The following ERBB4 variants were observed in gnomAD, a reference collection of about 807,000 sequenced individuals.
ERBB4 encodes the protein receptor tyrosine-protein kinase erbB-4.
A neutral mutation model predicts 158.0 loss-of-function variants in ERBB4; 42 were observed. The ratio of observed to expected loss-of-function variants is 0.27; its 90% confidence interval spans 0.21 to 0.34. The LOEUF is 0.34. Among genes scored for constraint, ERBB4 ranks in the 10% least tolerant of loss-of-function variants. The probability of loss-of-function intolerance (pLI) is 1.00; values close to 1 mark genes in which losing one functional copy is unlikely to be tolerated. For missense variants in ERBB4, 1,333 were observed against 1,624.1 expected (o/e 0.82, Z 3.08); for synonymous variants, 583 against 558.7 (o/e 1.04, Z -0.61).
intron 19 of ERBB4, among the ~76,000 whole-genome samples, chr2:211,588,554 T>G (rs1281663125): frequency 6.6e-6 from 1 of 152,174 alleles, no homozygotes; most frequent in Non-Finnish European, 1.5e-5. Flanking sequence ...TAACTACATT[T>G]TATATTTTGA....
chr2:211,708,643 T>A (rs907282189), intron 9 of ERBB4, among the ~76,000 whole-genome samples: 7 of 150,216 alleles, frequency 4.7e-5, no homozygotes, highest in Admixed American at 2.7e-4. Context: ...TCTCTCTCTC[T>A]CACTATCTTT....
chr2:212,355,766 G>A (rs932481014), intron 1 of ERBB4, among the ~76,000 whole-genome samples: 33 of 151,838 alleles, frequency 2.2e-4, no homozygotes, highest in Non-Finnish European at 3.4e-4. Flanking sequence ...ATGCATGTGT[G>A]TATTTATGTA....
At chr2:211,939,086 ATAT>A (rs1354606421) in intron 3 of ERBB4, among the ~76,000 whole-genome samples, 2 of 152,174 alleles carry the variant, frequency 1.3e-5, no homozygotes, top group Non-Finnish European at 2.9e-5. Flanking sequence ...CATTCATGAT[ATAT>A]TCAAGTATTA....
At chr2:211,896,365 A>G (rs1192172840) in intron 3 of ERBB4, among the ~76,000 whole-genome samples, 1 of 152,162 alleles carries the variant, frequency 6.6e-6, no homozygotes, top group Non-Finnish European at 1.5e-5. Context: ...TGGAATCATC[A>G]TTGACTAACC....
At chr2:211,853,440 A>G (rs2077768853) in intron 3 of ERBB4, among the ~76,000 whole-genome samples, 1 of 151,840 alleles carries the variant, frequency 6.6e-6, no homozygotes, top group Non-Finnish European at 1.5e-5. Flanking sequence ...AAAAATTATT[A>G]CTCCCATGGC....
intron 1 of ERBB4, among the ~76,000 whole-genome samples, chr2:212,312,044 G>A (rs528427263): frequency 6.6e-6 from 1 of 151,076 alleles, no homozygotes; most frequent in African/African-American, 2.4e-5. Context: ...TTTGCCTTGA[G>A]ATAAAGCCAC....
intron 20 of ERBB4, among the ~76,000 whole-genome samples, chr2:211,526,659 A>G (rs1329045031): frequency 6.6e-6 from 1 of 152,176 alleles, no homozygotes; most frequent in East Asian, 1.9e-4. Context: ...AGAATTCAAA[A>G]TAGCTGTTTT....
At chr2:212,160,285 GA>G (rs2081164825) in intron 1 of ERBB4, among the ~76,000 whole-genome samples, 1 of 151,882 alleles carries the variant, frequency 6.6e-6, no homozygotes, top group South Asian at 2.1e-4. Flanking sequence ...TGTAAACTCA[GA>G]AAGGTAACCA....
At chr2:211,661,270 G>A (rs754206232) in intron 15 of ERBB4, among the ~76,000 whole-genome samples, 2 of 152,072 alleles carry the variant, frequency 1.3e-5, no homozygotes, top group African/African-American at 2.4e-5. Context: ...TGTATTTTCT[G>A]TAAGCAACTA....
intron 1 of ERBB4, among the ~76,000 whole-genome samples, chr2:212,362,434 T>G (rs1439485538): frequency 6.6e-6 from 1 of 151,252 alleles, no homozygotes; most frequent in African/African-American, 2.4e-5. Context: ...CAAGCCCATT[T>G]TGATGTCCTA....
At chr2:211,712,008 C>A (rs2106080443) in intron 9 of ERBB4, 42 bp downstream of exon 9, 2 of 1,561,424 alleles carry the variant, frequency 1.3e-6, no homozygotes, top group South Asian at 1.1e-5. Context: ...TCAGTTTTGT[C>A]TACACTTTGT....
intron 1 of ERBB4, among the ~76,000 whole-genome samples, chr2:212,285,008 AT>A (rs1227514556): frequency 6.6e-6 from 1 of 152,122 alleles, no homozygotes; most frequent in Non-Finnish European, 1.5e-5. Context: ...GGTTTCTCTT[AT>A]AACCTTAATG....
intron 3 of ERBB4, among the ~76,000 whole-genome samples, chr2:211,790,564 G>C (rs564936169): frequency 1.3e-5 from 2 of 151,902 alleles, no homozygotes; most frequent in Non-Finnish European, 2.9e-5. Flanking sequence ...TAGTCTGTTC[G>C]AGAGCTTGGC....
At chr2:212,086,516 T>C (rs1449027191) in intron 2 of ERBB4, among the ~76,000 whole-genome samples, 1 of 152,086 alleles carries the variant, frequency 6.6e-6, no homozygotes, top group Non-Finnish European at 1.5e-5. Context: ...AATTTTCTTT[T>C]TGCCTTAGCT....
chr2:211,735,582 C>T (rs1038408431), intron 5 of ERBB4, among the ~76,000 whole-genome samples: 1 of 151,962 alleles, frequency 6.6e-6, no homozygotes, highest in Non-Finnish European at 1.5e-5. Flanking sequence ...TTTTAACTAC[C>T]ATGATTGTGA....
At chr2:211,629,068 T>A (rs1291920244) in intron 17 of ERBB4, among the ~76,000 whole-genome samples, 1 of 152,194 alleles carries the variant, frequency 6.6e-6, no homozygotes, top group Admixed American at 6.5e-5. Context: ...ATTCTGGATA[T>A]TAGCCCTTTG....
chr2:211,510,661 C>A (rs6725395), intron 20 of ERBB4, among the ~76,000 whole-genome samples: 76,272 of 151,376 alleles, frequency 0.5, 19,615 homozygotes, highest in Middle Eastern at 0.56. Context: ...AATTATATAT[C>A]TCTCTCTGAA....
chr2:212,087,407 A>G (rs2078648950), intron 2 of ERBB4, among the ~76,000 whole-genome samples: 2 of 152,208 alleles, frequency 1.3e-5, no homozygotes, highest in South Asian at 4.1e-4. Context: ...TAACGCCACC[A>G]ATTTCTAAAC....
At chr2:212,492,875 C>T (rs973511912) in intron 1 of ERBB4, among the ~76,000 whole-genome samples, 1 of 151,470 alleles carries the variant, frequency 6.6e-6, no homozygotes, top group Admixed American at 6.6e-5. Context: ...CAAGCTGTTA[C>T]AGTAAAAGTA....
Sources: allele counts gnomAD v4.1 joint callset (sites outside exome capture counted in the v4.1 genomes callset), GRCh38; gene constraint gnomAD v4.1.1; transcripts MANE v1.5; gene names NCBI Gene and HGNC (gene_info 2026-07-23, HGNC 2026-07-21).